The following CCDC91 variants were observed in gnomAD, a reference collection of about 807,000 sequenced individuals.
CCDC91 encodes coiled-coil domain-containing protein 91.
CCDC91 carries 48 observed loss-of-function variants against 63.2 expected under a neutral mutation model. The observed-to-expected ratio is 0.76, with a 90% CI of 0.60 to 0.97. CCDC91 has a LOEUF of 0.97. Among genes scored for constraint, CCDC91 ranks in the 50% least tolerant of loss-of-function variants. The pLI, the probability that CCDC91 is intolerant of heterozygous loss-of-function variation, is 0.00. For synonymous variants in CCDC91, 167 were observed against 165.8 expected, an observed-to-expected ratio of 1.01 and a Z score of -0.06; for missense variants, 500 against 494.6, an observed-to-expected ratio of 1.01 and a Z score of -0.10.
At chr12:28,253,270 T>G (rs1946241338) in intron 1 of CCDC91, among the ~76,000 whole-genome samples, 1 of 152,126 alleles carries the variant, frequency 6.6e-6, no homozygotes. Flanking sequence ...GCCCAGCCGC[T>G]GTTGTTTTGG....
chr12:28,410,398 T>C (rs1356351519), intron 8 of CCDC91, among the ~76,000 whole-genome samples: 1 of 152,226 alleles, frequency 6.6e-6, no homozygotes, highest in African/African-American at 2.4e-5. Flanking sequence ...TCTTGTACTT[T>C]TAATATATTG....
At chr12:28,315,267 G>A (rs1231420944) in intron 6 of CCDC91, among the ~76,000 whole-genome samples, 1 of 151,842 alleles carries the variant, frequency 6.6e-6, no homozygotes, top group Middle Eastern at 3.2e-3. Flanking sequence ...CTGGGTTCAA[G>A]CGATTCTTGT....
At chr12:28,336,877 A>T (rs1054284820) in intron 6 of CCDC91, among the ~76,000 whole-genome samples, 1 of 152,116 alleles carries the variant, frequency 6.6e-6, no homozygotes, top group Non-Finnish European at 1.5e-5. Flanking sequence ...TTTGATAACT[A>T]TTCAAACTTT....
intron 6 of CCDC91, among the ~76,000 whole-genome samples, chr12:28,322,417 G>C (rs1265253259): frequency 6.6e-6 from 1 of 151,654 alleles, no homozygotes; most frequent in African/African-American, 2.4e-5. Flanking sequence ...AAAAATCCTT[G>C]GCCTCTTCTT....
intron 1 of CCDC91, among the ~76,000 whole-genome samples, chr12:28,229,742 C>G (rs1371851272): frequency 6.6e-6 from 1 of 152,084 alleles, no homozygotes; most frequent in Non-Finnish European, 1.5e-5. Context: ...CAGCTTGAGT[C>G]AGTTTCCTAT....
At chr12:28,536,266 G>A (rs1177726525) in intron 12 of CCDC91, among the ~76,000 whole-genome samples, 1 of 152,154 alleles carries the variant, frequency 6.6e-6, no homozygotes, top group Non-Finnish European at 1.5e-5. Flanking sequence ...AGATTCCACA[G>A]TTATGACATT....
chr12:28,518,243 T>C (rs981382463), intron 12 of CCDC91, among the ~76,000 whole-genome samples: 2 of 152,054 alleles, frequency 1.3e-5, no homozygotes, highest in African/African-American at 4.8e-5. Context: ...TAGTTTACAT[T>C]CTCACTAGCA....
At chr12:28,387,792 A>T (rs1945696008) in intron 7 of CCDC91, among the ~76,000 whole-genome samples, 1 of 152,084 alleles carries the variant, frequency 6.6e-6, no homozygotes, top group Admixed American at 6.6e-5. Flanking sequence ...TCGTTGATTG[A>T]TGGGCATTTG....
At chr12:28,473,510 T>C (rs1278925831) in intron 11 of CCDC91, among the ~76,000 whole-genome samples, 6 of 152,302 alleles carry the variant, frequency 3.9e-5, no homozygotes, top group African/African-American at 1.4e-4. Context: ...CACACATATT[T>C]TTACTATTGT....
intron 12 of CCDC91, among the ~76,000 whole-genome samples, chr12:28,526,082 A>G (rs1381847252): frequency 1.3e-5 from 2 of 150,182 alleles, no homozygotes; most frequent in Non-Finnish European, 3.0e-5. Context: ...CATTTAGGCC[A>G]TTTATGTTCA....
chr12:28,406,360 T>G (rs1429985641), intron 8 of CCDC91, among the ~76,000 whole-genome samples: 1 of 152,170 alleles, frequency 6.6e-6, no homozygotes, highest in Admixed American at 6.6e-5. Flanking sequence ...CTTTTATTTT[T>G]CTTGGATAAG....
At chr12:28,323,579 A>G (rs1052972530) in intron 6 of CCDC91, among the ~76,000 whole-genome samples, 2 of 151,860 alleles carry the variant, frequency 1.3e-5, no homozygotes, top group South Asian at 4.1e-4. Flanking sequence ...TTTCTTAACT[A>G]TTCTTGCCTG....
intron 1 of CCDC91, among the ~76,000 whole-genome samples, chr12:28,223,238 T>C (rs1382219857): frequency 7.9e-5 from 12 of 152,178 alleles, no homozygotes; most frequent in South Asian, 2.1e-4. Flanking sequence ...AGGGACAATA[T>C]AAGCCATGGT....
chr12:28,380,965 C>T (rs763758634), intron 7 of CCDC91, among the ~76,000 whole-genome samples: 15 of 152,098 alleles, frequency 9.9e-5, no homozygotes, highest in Admixed American at 3.9e-4. Flanking sequence ...TGAAAGGCCA[C>T]ACAATATAGT....
chr12:28,225,883 T>C (rs918374632), intron 1 of CCDC91: 7 of 152,250 alleles, frequency 4.6e-5, no homozygotes, highest in East Asian at 1.9e-4. Flanking sequence ...TGAAACATAG[T>C]AATTCCTTTT....
At chr12:28,334,577 T>C (rs1342324565) in intron 6 of CCDC91, among the ~76,000 whole-genome samples, 1 of 152,190 alleles carries the variant, frequency 6.6e-6, no homozygotes, top group Non-Finnish European at 1.5e-5. Context: ...GGCTTGCTTC[T>C]GTATTAGGGT....
intron 1 of CCDC91, chr12:28,256,719 GT>G (rs1946483034): frequency 6.5e-6 from 1 of 153,528 alleles, no homozygotes; most frequent in Non-Finnish European, 1.4e-5. Flanking sequence ...TCCAAAAGTT[GT>G]GGCCACAGCT....
intron 12 of CCDC91, among the ~76,000 whole-genome samples, chr12:28,532,652 A>G (rs1338106387): frequency 6.6e-6 from 1 of 152,036 alleles, no homozygotes; most frequent in Non-Finnish European, 1.5e-5. Context: ...CAGAAAGAGT[A>G]ACTGTTCGAG....
At chr12:28,515,878 C>A (rs1308929202) in intron 12 of CCDC91, among the ~76,000 whole-genome samples, 2 of 151,852 alleles carry the variant, frequency 1.3e-5, no homozygotes, top group South Asian at 2.1e-4. Context: ...CGGACCCTCA[C>A]CTCCCCATCC....
Sources: gnomAD v4.1 joint callset for allele counts (sites outside exome capture counted in the v4.1 genomes callset) on GRCh38, gnomAD v4.1.1 for gene constraint, MANE v1.5 for transcripts, NCBI Gene and HGNC (gene_info 2026-07-23, HGNC 2026-07-21) for gene names.